REDIC1: variants seen among roughly 807,000 people sequenced by gnomAD.
REDIC1 encodes the protein HEI10 Interacting Protein 1.
At chr12:39,868,083 T>G in the REDIC1 span, among the ~76,000 whole-genome samples, 35 of 152,328 alleles carry the variant, frequency 2.3e-4, no homozygotes, top group African/African-American at 8.2e-4. Context: ...ATCAGTCCCT[T>G]GTTAGTATTT....
the REDIC1 span, among the ~76,000 whole-genome samples, chr12:39,705,354 A>G: frequency 1.3e-5 from 2 of 152,076 alleles, no homozygotes; most frequent in Non-Finnish European, 1.5e-5. Context: ...TGGGACTTGA[A>G]GGCTTCACTG....
At chr12:39,649,151 A>C in the REDIC1 span, among the ~76,000 whole-genome samples, 2 of 151,894 alleles carry the variant, frequency 1.3e-5, no homozygotes, top group Admixed American at 1.3e-4. Flanking sequence ...GTTAATGATG[A>C]GCTCCAGAGA....
At chr12:39,833,055 C>T in the REDIC1 span, among the ~76,000 whole-genome samples, 1 of 152,078 alleles carries the variant, frequency 6.6e-6, no homozygotes, top group Non-Finnish European at 1.5e-5. Context: ...TTACATTTAT[C>T]CACATCCTGG....
the REDIC1 span, among the ~76,000 whole-genome samples, chr12:39,836,843 T>G: frequency 1.2e-5 from 1 of 80,706 alleles, no homozygotes; most frequent in African/African-American, 5.2e-5. Flanking sequence ...TAAAAGAGGA[T>G]ACAAACAAAT....
the REDIC1 span, chr12:39,646,880 C>T: frequency 1.3e-6 from 2 of 1,595,646 alleles, no homozygotes; most frequent in Non-Finnish European, 1.7e-6. Context: ...AGATCTTGGC[C>T]CAGTCCAGGT....
the REDIC1 span, among the ~76,000 whole-genome samples, chr12:39,712,542 A>G: frequency 7.0e-6 from 1 of 142,406 alleles, no homozygotes; most frequent in Non-Finnish European, 1.5e-5. Context: ...GAATATGCGT[A>G]TATACACGAC....
chr12:39,726,123 GCCT>G, the REDIC1 span, among the ~76,000 whole-genome samples: 78 of 150,882 alleles, frequency 5.2e-4, no homozygotes, highest in East Asian at 9.4e-3. Flanking sequence ...TTTTGCTGCT[GCCT>G]CCTCCTCCTC....
At chr12:39,687,124 G>A in the REDIC1 span, among the ~76,000 whole-genome samples, 3 of 152,064 alleles carry the variant, frequency 2.0e-5, no homozygotes, top group East Asian at 1.9e-4. Flanking sequence ...CAGTCTTTAC[G>A]AAGTTCCAAA....
chr12:39,742,513 C>T, the REDIC1 span, among the ~76,000 whole-genome samples: 5 of 152,016 alleles, frequency 3.3e-5, no homozygotes, highest in African/African-American at 9.6e-5. Flanking sequence ...TTATCTTGAC[C>T]AGGTGTCAAG....
the REDIC1 span, among the ~76,000 whole-genome samples, chr12:39,728,346 G>A: frequency 6.6e-6 from 1 of 152,088 alleles, no homozygotes; most frequent in East Asian, 1.9e-4. Flanking sequence ...AGAGTTTTTA[G>A]CATGAAGGGG....
At chr12:39,728,387 A>G in the REDIC1 span, among the ~76,000 whole-genome samples, 1 of 151,978 alleles carries the variant, frequency 6.6e-6, no homozygotes, top group Admixed American at 6.6e-5. Flanking sequence ...CTTTTTTTGC[A>G]TATATTGAGA....
the REDIC1 span, among the ~76,000 whole-genome samples, chr12:39,771,607 C>T: frequency 1.3e-5 from 2 of 152,134 alleles, no homozygotes; most frequent in Admixed American, 6.5e-5. Context: ...AGAGGACACA[C>T]CTAAGCTATG....
the REDIC1 span, among the ~76,000 whole-genome samples, chr12:39,812,388 T>TTTCTTTCTC: frequency 1.6e-5 from 2 of 124,822 alleles, no homozygotes; most frequent in Non-Finnish European, 3.8e-5. Context: ...TTTTCTTTCT[T>TTTCTTTCTC]TCTCTCTCTC....
chr12:39,687,234 A>G, the REDIC1 span, among the ~76,000 whole-genome samples: 1 of 152,168 alleles, frequency 6.6e-6, no homozygotes, highest in Non-Finnish European at 1.5e-5. Context: ...GTATCTTTAT[A>G]TCAAAATTCC....
At chr12:39,805,136 G>GCAGGGCAGGC in the REDIC1 span, among the ~76,000 whole-genome samples, 1 of 149,028 alleles carries the variant, frequency 6.7e-6, no homozygotes, top group East Asian at 2.0e-4. Context: ...GACAGCAAGG[G>GCAGGGCAGGC]CAGGCCAGGC....
At chr12:39,801,981 A>G in the REDIC1 span, among the ~76,000 whole-genome samples, 1 of 152,188 alleles carries the variant, frequency 6.6e-6, no homozygotes. Context: ...ATCTAGTACC[A>G]GGGGATAGCC....
the REDIC1 span, chr12:39,864,795 G>A: frequency 2.5e-6 from 4 of 1,613,876 alleles, no homozygotes; most frequent in Non-Finnish European, 3.4e-6. Context: ...CTGACCTGAC[G>A]GAGCTATTGG....
the REDIC1 span, chr12:39,647,828 C>T: frequency 2.5e-6 from 4 of 1,602,150 alleles, no homozygotes; most frequent in South Asian, 4.5e-5. Context: ...GCTTCACCCT[C>T]AGTTCAGCAA....
chr12:39,735,997 C>T, the REDIC1 span, among the ~76,000 whole-genome samples: 1 of 152,250 alleles, frequency 6.6e-6, no homozygotes, highest in African/African-American at 2.4e-5. Flanking sequence ...AGAGACAGAC[C>T]ATCACAAAAA....
Sources: gnomAD v4.1 joint callset for allele counts (sites outside exome capture counted in the v4.1 genomes callset) on GRCh38, gnomAD v4.1.1 for gene constraint, MANE v1.5 for transcripts, NCBI Gene and HGNC (gene_info 2026-07-23, HGNC 2026-07-21) for gene names.